MXI1: variants seen among roughly 807,000 people sequenced by gnomAD.
MXI1 encodes max-interacting protein 1.
Under a neutral mutation model 36.9 loss-of-function variants are expected in MXI1, and 18 were observed. That is an observed-to-expected ratio of 0.49 (90% confidence interval 0.34 to 0.72). MXI1 has a LOEUF of 0.72. Ranked by LOEUF, MXI1 falls within the 30% of genes least tolerant of loss-of-function variation. The probability of loss-of-function intolerance (pLI) is 0.01; values close to 1 mark genes in which losing one functional copy is unlikely to be tolerated. For missense variants in MXI1, 304 were observed against 379.1 expected, an observed-to-expected ratio of 0.80 and a Z score of 1.64; for synonymous variants, 160 against 146.7, an observed-to-expected ratio of 1.09 and a Z score of -0.65.
intron 2 of MXI1, among the ~76,000 whole-genome samples, chr10:110,236,121 GTTCTTTTTTTTTT>G (rs1855461422): frequency 1.5e-5 from 1 of 67,874 alleles, no homozygotes; most frequent in Non-Finnish European, 2.8e-5. Context: ...AAAGGTTGAA[GTTCTTTTTTTTTT>G]TTTTTTTTTT....
intron 5 of MXI1, among the ~76,000 whole-genome samples, chr10:110,281,641 T>A (rs1046992168): frequency 6.6e-6 from 1 of 152,234 alleles, no homozygotes; most frequent in Admixed American, 6.5e-5. Context: ...GTTGTATATA[T>A]GTACATATTT....
At chr10:110,214,796 C>A (rs551180609) in intron 1 of MXI1, among the ~76,000 whole-genome samples, 2 of 151,266 alleles carry the variant, frequency 1.3e-5, no homozygotes, top group Non-Finnish European at 2.9e-5. Context: ...CTCTGGCTTC[C>A]AAATGTCCTG....
intron 3 of MXI1, among the ~76,000 whole-genome samples, chr10:110,250,747 G>T (rs1451078211): frequency 1.3e-5 from 2 of 150,506 alleles, no homozygotes; most frequent in African/African-American, 4.9e-5. Flanking sequence ...CACAAGAATT[G>T]CTTGAACCTG....
intron 1 of MXI1, chr10:110,226,314 A>G: frequency 6.8e-7 from 1 of 1,473,150 alleles, no homozygotes; most frequent in Non-Finnish European, 9.0e-7. Context: ...CGTGAGCCCG[A>G]GCGCTACTAA....
At chr10:110,249,353 T>C (rs1855986087) in intron 3 of MXI1, among the ~76,000 whole-genome samples, 1 of 152,092 alleles carries the variant, frequency 6.6e-6, no homozygotes, top group South Asian at 2.1e-4. Context: ...GATATAAGCT[T>C]CTCTGAGTTA....
At chr10:110,231,212 C>G (rs963385971) in intron 2 of MXI1, among the ~76,000 whole-genome samples, 3 of 152,052 alleles carry the variant, frequency 2.0e-5, no homozygotes, top group African/African-American at 7.2e-5. Flanking sequence ...ACTAAAAATA[C>G]AGAAATTAGC....
At chr10:110,224,381 T>C (rs1854900997) in intron 1 of MXI1, among the ~76,000 whole-genome samples, 1 of 152,326 alleles carries the variant, frequency 6.6e-6, no homozygotes, top group East Asian at 1.9e-4. Context: ...CCCCAGGAGA[T>C]ATTTGGCAAT....
Position 110,287,326 on chromosome 10 carries a change from C to CA in MXI1, c.*2343dup, listed in dbSNP as rs1590420974. On this transcript the variant is annotated 3_prime_UTR_variant, in exon 6 of 6. Transcript: ENST00000332674. ...AAAAGACAAATCAACTTTGAAGACA[C>CA]AAAAGTTAATTGGAAGAAATAAAAA... The CA allele has an allele frequency of 6.6e-6, 1 of 152,120 alleles. No individual in the cohort carries two copies. Among genetic ancestry groups the CA allele is most frequent in the East Asian group, 1.9e-4 (1 of 5,200 alleles). 9.4% of individuals were successfully genotyped at this position (152,120 alleles called of 1,614,324 possible). A position where few individuals can be genotyped will look rare whatever the true frequency, so the allele number is the denominator to read the frequency against.
intron 2 of MXI1, among the ~76,000 whole-genome samples, chr10:110,230,958 G>C (rs1034051678): frequency 6.6e-6 from 1 of 152,212 alleles, no homozygotes; most frequent in African/African-American, 2.4e-5. Context: ...CTTGAACACT[G>C]ATGTATGTTA....
Position 110,207,743 on chromosome 10 carries a change from G to A in MXI1, c.-66G>A. On this transcript the variant is annotated 5_prime_UTR_variant, in exon 1 of 6. Coordinates refer to ENST00000332674, the MANE Select transcript of MXI1 (RefSeq NM_130439.3). ...CTCCAGCCGGCCGGGTCTCCCTGGGGGCCCGGAGCTCGGCCGGGCCGCGCA... is the reference window on the plus strand; with the variant it reads ...CTCCAGCCGGCCGGGTCTCCCTGGGAGCCCGGAGCTCGGCCGGGCCGCGCA... 9.3e-7 allele frequency: 1 copy of A among 1,071,278 alleles called. No individual in the cohort carries two copies. The highest frequency in any genetic ancestry group is 1.1e-6 in the Non-Finnish European group (1 of 876,976). 66.4% of individuals were successfully genotyped at this position (1,071,278 alleles called of 1,614,324 possible).
At chr10:110,244,782 T>C (rs1266413782) in intron 2 of MXI1, 46 bp from the exon 3 acceptor site, 2 of 1,538,366 alleles carry the variant, frequency 1.3e-6, no homozygotes, top group African/African-American at 1.4e-5. Flanking sequence ...TCTATAGCTT[T>C]AGCAACAAAG....
chr10:110,219,682 A>G (rs1590330059), intron 1 of MXI1, among the ~76,000 whole-genome samples: 1 of 152,276 alleles, frequency 6.6e-6, no homozygotes, highest in South Asian at 2.1e-4. Flanking sequence ...ATCACAATTT[A>G]CACTTACTCT....
At chr10:110,266,350 C>T (rs576009735) in intron 3 of MXI1, among the ~76,000 whole-genome samples, 15 of 152,210 alleles carry the variant, frequency 9.9e-5, no homozygotes, top group East Asian at 7.7e-4. Flanking sequence ...CCTCGTGATC[C>T]GCCCACCTCG....
chr10:110,245,672 G>C (rs1436439422), intron 3 of MXI1: 1 of 152,178 alleles, frequency 6.6e-6, no homozygotes, highest in Admixed American at 6.5e-5. Context: ...CCCATAGGGA[G>C]CAGTTAAATA....
intron 1 of MXI1, among the ~76,000 whole-genome samples, chr10:110,216,963 C>T (rs575414331): frequency 1.2e-3 from 176 of 152,176 alleles, no homozygotes; most frequent in Middle Eastern, 3.4e-3. Flanking sequence ...CCACCGTGCC[C>T]GGCCTACAAT....
At chr10:110,275,127 G>A (rs892306489) in intron 3 of MXI1, among the ~76,000 whole-genome samples, 4 of 151,670 alleles carry the variant, frequency 2.6e-5, no homozygotes, top group Admixed American at 6.6e-5. Context: ...CACCCACCTC[G>A]GCCTCCCAAA....
chr10:110,277,238 C>T lies in MXI1; in HGVS notation c.438-1942C>T, dbSNP rs78930126. On this transcript the variant is annotated intron_variant, in intron 3 of 5. Transcript: ENST00000332674. Reference sequence around the variant, plus strand: ...GAACCAAATTGACAAGGTATTCTTGCGGTAATGTGCTTGTTAACTTTACTA... The same window carrying T: ...GAACCAAATTGACAAGGTATTCTTGTGGTAATGTGCTTGTTAACTTTACTA... Among the ~76,000 whole-genome samples, 136 of 152,278 alleles carry T rather than the reference C, an allele frequency of 8.9e-4. 2 individuals are homozygous for T. The East Asian group carries it at 0.021, about 24-fold the overall frequency.
chr10:110,208,398 C>A, intron 1 of MXI1: 1 of 188,572 alleles, frequency 5.3e-6, no homozygotes, highest in Admixed American at 6.3e-5. Flanking sequence ...GAGAGCTCAT[C>A]TCTTTGAGGT....
chr10:110,228,934 G>A (rs941711043), intron 2 of MXI1, among the ~76,000 whole-genome samples: 19 of 152,190 alleles, frequency 1.2e-4, no homozygotes, highest in African/African-American at 4.6e-4. Context: ...GATGTACTTG[G>A]AAAGGCTGGG....
Sources: gnomAD v4.1 joint callset for allele counts (sites outside exome capture counted in the v4.1 genomes callset) on GRCh38, gnomAD v4.1.1 for gene constraint, MANE v1.5 for transcripts, NCBI Gene and HGNC (gene_info 2026-07-23, HGNC 2026-07-21) for gene names.